The following IL1RL2 variants were observed in gnomAD, a reference collection of about 807,000 sequenced individuals.
IL1RL2 encodes interleukin-1 receptor-like 2.
A neutral mutation model predicts 66.8 loss-of-function variants in IL1RL2; 68 were observed. The ratio of observed to expected loss-of-function variants is 1.02; its 90% CI spans 0.84 to 1.25. IL1RL2 has a LOEUF of 1.25. Among genes scored for constraint, IL1RL2 ranks in the 50% most tolerant of loss-of-function variants. The probability of loss-of-function intolerance (pLI) is 0.00; values close to 1 mark genes in which losing one functional copy is unlikely to be tolerated. For synonymous variants in IL1RL2, 305 were observed against 264.6 expected (o/e 1.15, Z -1.48); for missense variants, 729 against 709.3 (o/e 1.03, Z -0.32).
intron 4 of IL1RL2, among the ~76,000 whole-genome samples, chr2:102,194,781 T>C (rs1370806739): frequency 6.6e-6 from 1 of 152,164 alleles, no homozygotes; most frequent in East Asian, 1.9e-4. Flanking sequence ...TAGCTCTTGC[T>C]CTGTTGCCCC....
At chr2:102,218,376 T>C (rs1689798567) in intron 6 of IL1RL2, among the ~76,000 whole-genome samples, 1 of 152,158 alleles carries the variant, frequency 6.6e-6, no homozygotes, top group Admixed American at 6.5e-5. Flanking sequence ...AGACTATAAA[T>C]TGATGAAATT....
chr2:102,217,225 G>T (rs563262681), intron 6 of IL1RL2, among the ~76,000 whole-genome samples: 175 of 152,228 alleles, frequency 1.1e-3, no homozygotes, highest in African/African-American at 3.9e-3. Context: ...AGATAGTTTT[G>T]CTGGGTATAG....
At chr2:102,202,884 C>T (rs1688388892) in intron 5 of IL1RL2, among the ~76,000 whole-genome samples, 1 of 152,136 alleles carries the variant, frequency 6.6e-6, no homozygotes, top group Admixed American at 6.5e-5. Context: ...TTTCTCTTGT[C>T]TGATTTCTCT....
Position 102,235,009 on chromosome 2 carries a change from C to T in IL1RL2, c.1410C>T (p.Ile470=), listed in dbSNP as rs753568524. 17 of 1,614,004 alleles carry T rather than the reference C, an allele frequency of 1.1e-5. No individual in the cohort carries two copies. The highest frequency in any genetic ancestry group is 3.3e-5 in the Admixed American group (2 of 59,994). Reference sequence around the variant, plus strand: ...TGAAGAACCTGTCAGAAGAACAAATCGCGGTCTACAGTGCCCTGATCCAGG... The same window carrying T: ...TGAAGAACCTGTCAGAAGAACAAATTGCGGTCTACAGTGCCCTGATCCAGG... The part of the protein sequence containing the change: ...GLLKNLSEEQ[I]AVYSALIQDG... Residue 470 remains isoleucine, a synonymous_variant, in exon 11 of 12, where the codon ATC becomes ATT. Coordinates refer to ENST00000264257, the MANE Select transcript of IL1RL2 (RefSeq NM_003854.4).
chr2:102,196,047 G>A (rs1054434490), intron 4 of IL1RL2, among the ~76,000 whole-genome samples: 7 of 152,030 alleles, frequency 4.6e-5, no homozygotes, highest in African/African-American at 1.7e-4. Flanking sequence ...CATTAGATAA[G>A]TCTTAAGTTT....
rs1168862705 is a variant in IL1RL2, at chr2:102,193,527, A to ATT, written c.489+1412_489+1413dup. Among the ~76,000 whole-genome samples the ATT allele has an allele frequency of 3.3e-5, 5 of 152,154 alleles. No individual in the cohort carries two copies. The Middle Eastern group carries it at 0.01, about 311-fold the overall frequency. The stretch of plus-strand genomic sequence containing the variant: ...AGTGGAAGCCCAGGTAATTTTTTAA[A>ATT]TTTTTTGTGTGACAGAATCTTGCTA... On this transcript the variant is annotated intron_variant, in intron 4 of 11. Transcript: ENST00000264257.
At chr2:102,197,650 G>A (rs1453295093) in intron 4 of IL1RL2, among the ~76,000 whole-genome samples, 2 of 152,224 alleles carry the variant, frequency 1.3e-5, no homozygotes, top group Non-Finnish European at 2.9e-5. Flanking sequence ...TTGCTGAAAG[G>A]TAAAGGTGAG....
intron 4 of IL1RL2, among the ~76,000 whole-genome samples, chr2:102,194,305 T>C (rs1042021356): frequency 1.3e-5 from 2 of 152,254 alleles, no homozygotes; most frequent in African/African-American, 4.8e-5. Context: ...CATGTGGCTA[T>C]ATTTCATCCA....
intron 6 of IL1RL2, among the ~76,000 whole-genome samples, chr2:102,215,953 A>AGAAACATGAAAAAACAG (rs1240369953): frequency 2.6e-5 from 4 of 152,220 alleles, no homozygotes; most frequent in African/African-American, 2.4e-5. Flanking sequence ...TAAGGACACA[A>AGAAACATGAAAAAACAG]GAAACATGAA....
Position 102,192,131 on chromosome 2 carries a change from ATT to A in IL1RL2, c.489+14_489+15del, listed in dbSNP as rs1239065049. On this transcript the variant is annotated intron_variant, in intron 4 of 11. Coordinates refer to ENST00000264257, the MANE Select transcript of IL1RL2 (RefSeq NM_003854.4). The stretch of plus-strand genomic sequence containing the variant: ...ATAAAGTGGTATAAGGTAAAAAAGA[ATT>A]TTCTTATTGATATTTTTCCTCCTTT... The A allele has an allele frequency of 9.2e-6, 14 of 1,524,334 alleles. No homozygotes were observed. Among genetic ancestry groups the A allele is most frequent in the Non-Finnish European group, 1.1e-5 (13 of 1,134,358 alleles). 94.4% of individuals were successfully genotyped at this position (1,524,334 alleles called of 1,614,324 possible).
intron 9 of IL1RL2, among the ~76,000 whole-genome samples, chr2:102,232,103 T>G (rs1021844698): frequency 1.4e-5 from 2 of 146,140 alleles, no homozygotes; most frequent in African/African-American, 5.2e-5. Flanking sequence ...GCTCACTGCA[T>G]CCTTGAACTC....
intron 4 of IL1RL2, among the ~76,000 whole-genome samples, chr2:102,199,762 C>T (rs953578455): frequency 6.6e-6 from 1 of 152,158 alleles, no homozygotes; most frequent in African/African-American, 2.4e-5. Context: ...ACTGCTCAGC[C>T]ATGGAAGCAC....
intron 4 of IL1RL2, among the ~76,000 whole-genome samples, chr2:102,199,154 C>T (rs987231851): frequency 1.1e-4 from 16 of 152,224 alleles, no homozygotes; most frequent in Non-Finnish European, 2.4e-4. Context: ...GCTATCCCTA[C>T]TTCCCTGCCT....
chr2:102,238,253 C>G (rs1320356690), intron 11 of IL1RL2, among the ~76,000 whole-genome samples: 1 of 152,080 alleles, frequency 6.6e-6, no homozygotes, highest in East Asian at 1.9e-4. Context: ...ACTGAGTCAG[C>G]CACAAAACCC....
intron 1 of IL1RL2, among the ~76,000 whole-genome samples, chr2:102,187,587 C>T (rs961105285): frequency 6.6e-6 from 1 of 152,178 alleles, no homozygotes; most frequent in Non-Finnish European, 1.5e-5. Context: ...CACGCGGTCC[C>T]CACCGCCGCC....
intron 11 of IL1RL2, among the ~76,000 whole-genome samples, chr2:102,237,740 C>T (rs762639223): frequency 5.3e-5 from 8 of 152,288 alleles, no homozygotes; most frequent in Admixed American, 2.0e-4. Flanking sequence ...CTGGCATCAC[C>T]GCTGACATGT....
At position 102,234,963 on chromosome 2, in the gene IL1RL2, A is replaced by C; in HGVS notation, c.1364A>C (p.Glu455Ala). Residue 455 changes from glutamate (E) to alanine (A), a missense_variant, in exon 11 of 12, where the codon GAA becomes GCA. Transcript: ENST00000264257. Reference protein sequence around the residue: ...CRRLIVIVVPESLGFGLLKNL... With the variant: ...CRRLIVIVVPASLGFGLLKNL... Reference sequence around the variant, plus strand: ...AGGCTGATTGTCATTGTGGTCCCCGAATCGCTGGGCTTTGGCCTGTTGAAG... The same window carrying C: ...AGGCTGATTGTCATTGTGGTCCCCGCATCGCTGGGCTTTGGCCTGTTGAAG... 1 of 1,614,190 alleles carries C rather than the reference A, an allele frequency of 6.2e-7. No homozygotes were observed. The highest frequency in any genetic ancestry group is 1.1e-5 in the South Asian group (1 of 91,080).
At chr2:102,238,022 C>T (rs1675023834) in intron 11 of IL1RL2, among the ~76,000 whole-genome samples, 1 of 152,030 alleles carries the variant, frequency 6.6e-6, no homozygotes, top group Non-Finnish European at 1.5e-5. Flanking sequence ...TCATCACAGG[C>T]CAATTTATAA....
At position 102,239,533 on chromosome 2, in the gene IL1RL2, G is replaced by T. The variant is rs1291308479; in HGVS notation, c.*292G>T. ...GGGAGGCATCCCCAAGTCATGGTGGGTGAGAGCTCGGAGCATCCCCATGTC... is the reference window on the plus strand; with the variant it reads ...GGGAGGCATCCCCAAGTCATGGTGGTTGAGAGCTCGGAGCATCCCCATGTC... On this transcript the variant is annotated 3_prime_UTR_variant, in exon 12 of 12. Coordinates refer to ENST00000264257, the MANE Select transcript of IL1RL2 (RefSeq NM_003854.4). 1 of 366,650 alleles carries T rather than the reference G, an allele frequency of 2.7e-6. No individual in the cohort carries two copies. The highest frequency in any genetic ancestry group is 5.3e-6 in the Non-Finnish European group (1 of 188,502). 22.7% of individuals were successfully genotyped at this position (366,650 alleles called of 1,614,324 possible).
Sources: allele counts gnomAD v4.1 joint callset (sites outside exome capture counted in the v4.1 genomes callset), GRCh38; gene constraint gnomAD v4.1.1; transcripts MANE v1.5; gene names NCBI Gene and HGNC (gene_info 2026-07-23, HGNC 2026-07-21).